The following CD109 variants were observed in gnomAD, a reference collection of about 807,000 sequenced individuals.
CD109 encodes CD109 antigen.
A neutral mutation model predicts 165.8 loss-of-function variants in CD109; 149 were observed. That is an observed-to-expected ratio of 0.90 (90% CI 0.79 to 1.03). The LOEUF is 1.03. CD109 is among the 50% of genes least tolerant of loss of function. The pLI is 0.00. For missense variants in CD109, 1,712 were observed against 1,677.8 expected, an observed-to-expected ratio of 1.02 and a Z score of -0.36; for synonymous variants, 585 against 592.1, an observed-to-expected ratio of 0.99 and a Z score of 0.18.
At chr6:73,749,059 G>A (rs565104460) in intron 5 of CD109, among the ~76,000 whole-genome samples, 8 of 152,252 alleles carry the variant, frequency 5.3e-5, no homozygotes, top group African/African-American at 1.7e-4. Context: ...AGTAGGGATC[G>A]GAATAAAGCT....
chr6:73,729,335 A>AGTGTGT lies in CD109; in HGVS notation c.277-990_277-985dup, dbSNP rs142514181. 1.2e-3 allele frequency among the ~76,000 whole-genome samples: 185 copies of AGTGTGT among 148,370 alleles called. 4 individuals are homozygous for AGTGTGT. In the East Asian group the frequency reaches 0.024, roughly 19 times the overall value. On this transcript the variant is annotated intron_variant, in intron 3 of 32. Transcript: ENST00000287097. ...ACATATTTTAAAATTACCACATCAA[A>AGTGTGT]GTGTGTGTGTGTGTGTGTGTGTGTA...
Position 73,736,468 on chromosome 6 carries a change from A to G in CD109, c.593A>G (p.His198Arg). Residue 198 changes from histidine (H) to arginine (R), a missense_variant, in exon 5 of 33, where the codon CAT becomes CGT. By Grantham distance (29) the His-to-Arg change is conservative. Transcript: ENST00000287097. Reference sequence around the variant, plus strand: ...TCCAAAACTTTTCAGCTATCTTCCCATCCAATACTTGGTGACTGGTCTATT... The same window carrying G: ...TCCAAAACTTTTCAGCTATCTTCCCGTCCAATACTTGGTGACTGGTCTATT... ...VISKTFQLSS[H>R]PILGDWSIQV... 1.2e-6 allele frequency: 2 copies of G among 1,613,676 alleles called. No homozygotes were observed. Among genetic ancestry groups the G allele is most frequent in the African/African-American group, 1.3e-5 (1 of 75,026 alleles).
chr6:73,749,704 T>G (rs1361242720), intron 5 of CD109, among the ~76,000 whole-genome samples: 5 of 152,252 alleles, frequency 3.3e-5, no homozygotes, highest in Non-Finnish European at 5.9e-5. Flanking sequence ...TATAGGATCA[T>G]ACCTTCATAA....
rs1377843837 is a variant in CD109 at position 73,810,039 on chromosome 6, A to G, written c.3411A>G (p.Pro1137=). The part of the protein sequence containing the change: ...SESKLSDSWQ[P]RSLDIEVAAY... ...CCAAACTTTCTGACTCCTGGCAGCC[A>G]CGCTCCCTGGATATTGAAGTTGCAG... The change falls in exon 27 of 33, where the codon CCA becomes CCG. Residue 1137 remains proline (P), a synonymous_variant. Coordinates refer to ENST00000287097, the MANE Select transcript of CD109 (RefSeq NM_133493.5). 4.4e-6 allele frequency: 7 copies of G among 1,606,350 alleles called. No homozygotes were observed. Among genetic ancestry groups the G allele is most frequent in the East Asian group, 2.3e-5 (1 of 44,140 alleles).
chr6:73,751,829 T>G (rs1311649874), intron 5 of CD109, among the ~76,000 whole-genome samples: 1 of 152,204 alleles, frequency 6.6e-6, no homozygotes, highest in Non-Finnish European at 1.5e-5. Flanking sequence ...GAAATTCCCT[T>G]CTAGTTTTAT....
In CD109 at chr6:73,808,084, C is replaced by T. The variant is rs749521324; in HGVS notation, c.3191C>T (p.Pro1064Leu). Residue 1064 changes from proline to leucine, a missense_variant and splice_region_variant, in exon 26 of 33, where the codon CCT (proline) becomes CTT (leucine). Coordinates refer to ENST00000287097, the MANE Select transcript of CD109 (RefSeq NM_133493.5). Reference sequence around the variant, plus strand: ...AAAACATACTTTTTTTCTTCCAAGCCTAACATTGATGTGCAAGAGTCTATC... The same window carrying T: ...AAAACATACTTTTTTTCTTCCAAGCTTAACATTGATGTGCAAGAGTCTATC... Reference protein sequence around the residue: ...TSLLGYRKYQPNIDVQESIHF... With the variant: ...TSLLGYRKYQLNIDVQESIHF... 8.1e-6 allele frequency: 13 copies of T among 1,611,594 alleles called. No homozygotes were observed. The highest frequency in any genetic ancestry group is 1.1e-5 in the Non-Finnish European group (13 of 1,179,034).
intron 3 of CD109, among the ~76,000 whole-genome samples, chr6:73,725,345 G>T (rs1019403447): frequency 1.3e-5 from 2 of 152,114 alleles, no homozygotes; most frequent in Admixed American, 1.3e-4. Flanking sequence ...CACAATAATT[G>T]TCTGGTTTCC....
rs1776270398 is a variant in CD109, at chr6:73,826,137, A to G, written c.*2504A>G. The G allele has an allele frequency of 6.6e-6, 1 of 152,252 alleles. No individual in the cohort carries two copies. Among genetic ancestry groups the G allele is most frequent in the South Asian group, 2.1e-4 (1 of 4,822 alleles). The allele number at this position is 152,252 out of a possible 1,614,324, so 9.4% of individuals were successfully genotyped here. ...AGATGTCCCGGCCACTTCTTCCTTC[A>G]TACTTCCCTTAGAGAACTTGCTCTG... On this transcript the variant is annotated 3_prime_UTR_variant, in exon 33 of 33. Coordinates refer to ENST00000287097, the MANE Select transcript of CD109 (RefSeq NM_133493.5).
Position 73,762,778 on chromosome 6 carries a change from A to C in CD109, c.893A>C (p.Glu298Ala), listed in dbSNP as rs1043278786. 52 of 1,608,826 alleles carry C rather than the reference A, an allele frequency of 3.2e-5. No individual in the cohort carries two copies. Among genetic ancestry groups the C allele is most frequent in the Non-Finnish European group, 4.3e-5 (50 of 1,175,764 alleles). Reference protein sequence around the residue: ...GSANFSFNDEEMKNVMDSSNG... With the variant: ...GSANFSFNDEAMKNVMDSSNG... ...GCAAACTTCTCTTTTAATGATGAAG[A>C]GATGAAAAATGTAATGGATTCTTCA... The change falls in exon 9 of 33, where the codon GAG (glutamate) becomes GCG (alanine). Residue 298 changes from glutamate to alanine, a missense_variant. By Grantham distance (107) the Glu-to-Ala change is moderately radical. Transcript: ENST00000287097.
Position 73,756,648 on chromosome 6 carries a change from G to A in CD109, c.639G>A (p.Gln213=). The change falls in exon 6 of 33, where the codon CAG becomes CAA. Residue 213 remains glutamine, a synonymous_variant. Transcript: ENST00000287097. ...TTTTCTCCCCTGCCCAATAGGACCA[G>A]ACATACTATCAATCATTTCAGGTTT... is the stretch of plus-strand genomic sequence containing the variant. ...DWSIQVQVND[Q]TYYQSFQVSE... 6.4e-7 allele frequency: 1 copy of A among 1,553,048 alleles called. No individual in the cohort carries two copies. The highest frequency in any genetic ancestry group is 8.7e-7 in the Non-Finnish European group (1 of 1,149,264).
chr6:73,715,559 T>C (rs937557120), intron 2 of CD109, among the ~76,000 whole-genome samples: 2 of 138,122 alleles, frequency 1.4e-5, no homozygotes, highest in African/African-American at 5.8e-5. Context: ...AGTGAGACCC[T>C]GTCTCCAAAA....
intron 15 of CD109, among the ~76,000 whole-genome samples, chr6:73,772,774 A>G (rs1317811170): frequency 6.6e-6 from 1 of 152,096 alleles, no homozygotes; most frequent in Admixed American, 6.5e-5. Context: ...GATTAACAAT[A>G]CATCAGAAAG....
chr6:73,762,338 C>A, intron 7 of CD109, 46 bp from the exon 8 acceptor site: 2 of 1,152,286 alleles, frequency 1.7e-6, no homozygotes, highest in Non-Finnish European at 2.6e-6. Flanking sequence ...TGTGTTCTGA[C>A]AATATCAAGT....
rs59555720 is a variant in CD109 at position 73,815,001 on chromosome 6, G to A, written c.3789G>A (p.Val1263=). 6,502 of 1,559,480 alleles carry A rather than the reference G, an allele frequency of 4.2e-3. 271 individuals are homozygous for A. In the African/African-American group the frequency reaches 0.081, roughly 19 times the overall value. The change falls in exon 30 of 33, where the codon GTG becomes GTA. Residue 1263 remains valine (V), a synonymous_variant. Coordinates refer to ENST00000287097, the MANE Select transcript of CD109 (RefSeq NM_133493.5). ...TACAGCTCAATGTTGTATATAATGT[G>A]AAGGCTTCTGGGTCTTCTAGAAGAC... ...AICQLNVVYN[V]KASGSSRRRR... is the part of the protein sequence containing the mutation.
chr6:73,696,181 G>T (rs545781508), upstream of CD109: 1 of 1,539,564 alleles, frequency 6.5e-7, no homozygotes, highest in East Asian at 2.5e-5. Context: ...GAACTTCCCC[G>T]GCAGCGGACT....
intron 5 of CD109, among the ~76,000 whole-genome samples, chr6:73,755,401 C>T (rs560914780): frequency 6.6e-5 from 10 of 152,100 alleles, no homozygotes; most frequent in South Asian, 2.1e-4. Flanking sequence ...TATTTGTTAG[C>T]GTGTTAGTGG....
chr6:73,823,874 C>T lies in CD109; in HGVS notation c.*241C>T, dbSNP rs1044048373. On this transcript the variant is annotated 3_prime_UTR_variant, in exon 33 of 33. Transcript: ENST00000287097. Reference sequence around the variant, plus strand: ...TGTCTATATTTTCCCCTCTCAAAATCTTTTAGAATTTTTTTGGAGGTGTTT... The same window carrying T: ...TGTCTATATTTTCCCCTCTCAAAATTTTTTAGAATTTTTTTGGAGGTGTTT... The T allele has an allele frequency of 8.8e-6, 3 of 341,420 alleles. No homozygotes were observed. The highest frequency in any genetic ancestry group is 2.1e-5 in the African/African-American group (1 of 47,776). The allele number at this position is 341,420 out of a possible 1,614,324, so 21.1% of individuals were successfully genotyped here.
intron 14 of CD109, 144 bp from the exon 15 acceptor site, chr6:73,771,285 G>C: frequency 1.7e-6 from 1 of 572,928 alleles, no homozygotes; most frequent in South Asian, 2.7e-5. Context: ...TTTCCCTAGA[G>C]AAGGGTTATG....
At chr6:73,784,404 T>C (rs1774616820) in intron 19 of CD109, among the ~76,000 whole-genome samples, 1 of 152,174 alleles carries the variant, frequency 6.6e-6, no homozygotes. Context: ...AAATTGGAAT[T>C]AGATTGTAAG....
Sources: gnomAD v4.1 joint callset for allele counts (sites outside exome capture counted in the v4.1 genomes callset) on GRCh38, gnomAD v4.1.1 for gene constraint, MANE v1.5 for transcripts, NCBI Gene and HGNC (gene_info 2026-07-23, HGNC 2026-07-21) for gene names.